OTOF: variants seen among roughly 807,000 people sequenced by gnomAD.
OTOF encodes fer-1-like family member 2.
A neutral mutation model predicts 236.8 loss-of-function variants in OTOF; 218 were observed. That is an observed-to-expected ratio of 0.92 (90% CI 0.82 to 1.03). The LOEUF (loss-of-function observed/expected upper bound fraction) is 1.03, where lower values mean the gene tolerates loss of function less well. Among genes scored for constraint, OTOF ranks in the 50% least tolerant of loss-of-function variants. OTOF has a pLI of 0.00. For synonymous variants in OTOF, 1,041 were observed against 1,072.5 expected (o/e 0.97, Z 0.57); for missense variants, 2,590 against 2,694.4 (o/e 0.96, Z 0.86).
intron 29 of OTOF, 136 bp downstream of exon 29, chr2:26,472,996 G>T: frequency 2.1e-6 from 2 of 968,052 alleles, no homozygotes; most frequent in South Asian, 1.6e-5. Context: ...TTGGCCACCA[G>T]GGTGACCTTC....
intron 1 of OTOF, among the ~76,000 whole-genome samples, chr2:26,546,995 A>G (rs1324172309): frequency 6.6e-6 from 1 of 152,172 alleles, no homozygotes; most frequent in Non-Finnish European, 1.5e-5. Flanking sequence ...AGTTGTTTTT[A>G]CCTTGCCACC....
chr2:26,540,663 G>T (rs1667191410), intron 1 of OTOF, among the ~76,000 whole-genome samples: 1 of 152,126 alleles, frequency 6.6e-6, no homozygotes, highest in South Asian at 2.1e-4. Context: ...GGGTGGCGGG[G>T]TCGTTGATGT....
rs1007609685 is a variant in OTOF at position 26,461,207 on chromosome 2, G to A, written c.5534-177C>T. ...TCAATGCAGGCATCCTCGTGGGCTT[G>A]CTAGGCAGCCCCAGCCCCCATGCTT... On this transcript the variant is annotated intron_variant, in intron 43 of 46. Transcript: ENST00000272371. This position sits in a 1 kb window ranked among gnomAD's most constrained non-coding sequence, Gnocchi z 6.2. 6.6e-6 allele frequency among the ~76,000 whole-genome samples: 1 copy of A among 152,076 alleles called. No homozygotes were observed. The highest frequency in any genetic ancestry group is 2.4e-5 in the African/African-American group (1 of 41,414).
chr2:26,504,792 T>G (rs1301676975), intron 5 of OTOF, among the ~76,000 whole-genome samples: 1 of 152,156 alleles, frequency 6.6e-6, no homozygotes, highest in Non-Finnish European at 1.5e-5. Flanking sequence ...CCATCCATAT[T>G]GCATGAGTGG....
chr2:26,533,059 G>A (rs756356469), intron 2 of OTOF, among the ~76,000 whole-genome samples: 1 of 152,200 alleles, frequency 6.6e-6, no homozygotes, highest in Non-Finnish European at 1.5e-5. Flanking sequence ...TGAGCCGCGG[G>A]TGAGCGAGCA....
Position 26,484,628 on chromosome 2 carries a change from G to A in OTOF, c.1051C>T (p.Gln351Ter), listed in dbSNP as rs1558492758. Reference protein sequence around the residue: ...VGTVYSQPEHQFHHKWAILSD... With the variant: ...VGTVYSQPEH ...AGGATGGCCCACTTGTGATGGAACT[G>A]GTGCTCTGCAATGATGAGGGGTGGG... Residue 351 changes from glutamine (Q) to a stop codon, truncating the protein, a stop_gained, in exon 12 of 47, where the codon CAG (glutamine) becomes TAG (stop). Transcript: ENST00000272371. LOFTEE classifies it high-confidence loss of function. 3.1e-6 allele frequency: 5 copies of A among 1,613,768 alleles called. No homozygotes were observed. The highest frequency in any genetic ancestry group is 4.2e-6 in the Non-Finnish European group (5 of 1,179,984).
At chr2:26,506,856 T>C (rs1224872593) in intron 5 of OTOF, among the ~76,000 whole-genome samples, 1 of 152,134 alleles carries the variant, frequency 6.6e-6, no homozygotes, top group Admixed American at 6.5e-5. Context: ...CTGGGTGTGG[T>C]GGCACATGCC....
At chr2:26,532,395 G>C (rs1282438684) in intron 2 of OTOF, among the ~76,000 whole-genome samples, 1 of 152,132 alleles carries the variant, frequency 6.6e-6, no homozygotes, top group Non-Finnish European at 1.5e-5. Flanking sequence ...ACTGCTGGGG[G>C]ACTCAAGTAG....
At chr2:26,530,139 G>A (rs1666909113) in intron 2 of OTOF, among the ~76,000 whole-genome samples, 1 of 152,116 alleles carries the variant, frequency 6.6e-6, no homozygotes, top group African/African-American at 2.4e-5. Context: ...TCCCCCTGAG[G>A]GTCTGTGGGT....
At chr2:26,509,434 G>A (rs1043491705) in intron 5 of OTOF, among the ~76,000 whole-genome samples, 7 of 152,122 alleles carry the variant, frequency 4.6e-5, no homozygotes, top group Non-Finnish European at 8.8e-5. Context: ...CCTACACAGC[G>A]CCATTTCCTC....
chr2:26,483,769 A>G, intron 12 of OTOF, 121 bp from the exon 13 acceptor site: 1 of 866,492 alleles, frequency 1.2e-6, no homozygotes, highest in South Asian at 1.6e-5. Context: ...GAGCAAGGCT[A>G]GGATTAGACA....
intron 10 of OTOF, 111 bp from the exon 11 acceptor site, chr2:26,489,406 G>A (rs1295664676): frequency 3.5e-6 from 3 of 848,792 alleles, no homozygotes; most frequent in Non-Finnish European, 5.8e-6. Context: ...TTGGCAGAGT[G>A]GGGTGGCTCA....
Position 26,558,653 on chromosome 2 carries a change from C to G in OTOF, c.-82G>C. The G allele has an allele frequency of 8.2e-7, 1 of 1,220,584 alleles. No homozygotes were observed. Among genetic ancestry groups the G allele is most frequent in the Non-Finnish European group, 1.2e-6 (1 of 827,202 alleles). The allele number at this position is 1,220,584 out of a possible 1,614,324, so 75.6% of individuals were successfully genotyped here. ...TGGAGCACGGCTCACACGCCTCTCTCTTCTCTGCCGCTGCCTCCTCCTCCT... is the reference window on the plus strand; with the variant it reads ...TGGAGCACGGCTCACACGCCTCTCTGTTCTCTGCCGCTGCCTCCTCCTCCT... On this transcript the variant is annotated 5_prime_UTR_variant, in exon 1 of 47. Transcript: ENST00000272371.
intron 1 of OTOF, among the ~76,000 whole-genome samples, chr2:26,547,936 CATT>C (rs1202632909): frequency 6.6e-6 from 1 of 152,220 alleles, no homozygotes; most frequent in Non-Finnish European, 1.5e-5. Context: ...TCATCATCAT[CATT>C]GTTATTACAA....
rs148879947 is a variant in OTOF at position 26,557,735 on chromosome 2, C to T, written c.79+758G>A. 2.9e-3 allele frequency among the ~76,000 whole-genome samples: 446 copies of T among 151,956 alleles called. 3 individuals are homozygous for T. Among genetic ancestry groups the T allele is most frequent in the Non-Finnish European group, 2.7e-3 (184 of 67,974 alleles). On this transcript the variant is annotated intron_variant, in intron 1 of 46. Transcript: ENST00000272371. ...GGAAGCCTTCCCTGACCACCGGTCA[C>T]CAGCCTGGGTGAGGGTGCTGCTTCT...
chr2:26,484,739 C>T (rs901441056), intron 11 of OTOF, 106 bp from the exon 12 acceptor site: 32 of 1,193,752 alleles, frequency 2.7e-5, no homozygotes, highest in Non-Finnish European at 3.9e-5. Context: ...GTCTTGGTCC[C>T]TAGAGTCCCG....
intron 1 of OTOF, among the ~76,000 whole-genome samples, chr2:26,547,733 C>T (rs1255097773): frequency 2.0e-5 from 3 of 151,968 alleles, no homozygotes; most frequent in East Asian, 1.9e-4. Flanking sequence ...CTGCTCTACT[C>T]GGGAGGCTGA....
At chr2:26,499,702 G>A (rs1666072698) in intron 8 of OTOF, among the ~76,000 whole-genome samples, 2 of 152,004 alleles carry the variant, frequency 1.3e-5, no homozygotes, top group South Asian at 4.2e-4. Flanking sequence ...GTAGAGACGG[G>A]GTTTCACCAT....
intron 5 of OTOF, among the ~76,000 whole-genome samples, chr2:26,511,465 G>A (rs1175615404): frequency 6.6e-6 from 1 of 152,220 alleles, no homozygotes; most frequent in African/African-American, 2.4e-5. Context: ...GATGAAGACA[G>A]GAAAGTGAAT....
Sources: gnomAD v4.1 joint callset for allele counts (sites outside exome capture counted in the v4.1 genomes callset) on GRCh38, gnomAD v4.1.1 for gene constraint, Gnocchi (gnomAD v3.1) non-coding constraint, MANE v1.5 for transcripts, NCBI Gene and HGNC (gene_info 2026-07-23, HGNC 2026-07-21) for gene names.